Variants in ASIC2 observed in about 807,000 individuals in gnomAD.
ASIC2 encodes the protein acid sensing ion channel subunit 2.
A neutral mutation model predicts 57.3 loss-of-function variants in ASIC2; 25 were observed. The ratio of observed to expected loss-of-function variants is 0.44; its 90% CI spans 0.32 to 0.61. The LOEUF (loss-of-function observed/expected upper bound fraction) is 0.61, where lower values mean the gene tolerates loss of function less well. ASIC2 is among the 20% of genes least tolerant of loss of function. The pLI is 0.06. For synonymous variants in ASIC2, 319 were observed against 307.5 expected, an observed-to-expected ratio of 1.04 and a Z score of -0.39; for missense variants, 641 against 738.1, an observed-to-expected ratio of 0.87 and a Z score of 1.52.
chr17:33,865,764 A>T (rs1567739086), intron 1 of ASIC2, among the ~76,000 whole-genome samples: 1 of 79,954 alleles, frequency 1.3e-5, no homozygotes, highest in South Asian at 3.1e-4. Flanking sequence ...AAAAATAAAA[A>T]AAAAAAACAA....
At chr17:33,318,396 G>A (rs1430915013) in intron 1 of ASIC2, among the ~76,000 whole-genome samples, 1 of 152,128 alleles carries the variant, frequency 6.6e-6, no homozygotes, top group Non-Finnish European at 1.5e-5. Flanking sequence ...GCTGTGATGA[G>A]GATTTGGTGC....
chr17:33,580,743 TATAAG>T (rs1411298942), intron 1 of ASIC2, among the ~76,000 whole-genome samples: 1 of 152,198 alleles, frequency 6.6e-6, no homozygotes, highest in Admixed American at 6.5e-5. Context: ...TCTCAGCTAA[TATAAG>T]ATAAGGTGGT....
At chr17:33,463,486 C>T (rs892616221) in intron 1 of ASIC2, among the ~76,000 whole-genome samples, 2 of 152,172 alleles carry the variant, frequency 1.3e-5, no homozygotes. Context: ...CCAATATTTC[C>T]AATGTCTGTC....
chr17:33,767,421 T>C (rs543742142), intron 1 of ASIC2, among the ~76,000 whole-genome samples: 111 of 152,328 alleles, frequency 7.3e-4, no homozygotes, highest in Non-Finnish European at 1.5e-3. Flanking sequence ...TATAAATTAG[T>C]GAGTGTAGAA....
At chr17:33,635,644 TGAG>T (rs1906335095) in intron 1 of ASIC2, among the ~76,000 whole-genome samples, 1 of 152,188 alleles carries the variant, frequency 6.6e-6, no homozygotes, top group Non-Finnish European at 1.5e-5. Context: ...AACAGAGCGA[TGAG>T]GAGGCAGGTG....
chr17:33,145,008 C>T (rs764836325), intron 1 of ASIC2, among the ~76,000 whole-genome samples: 5 of 152,198 alleles, frequency 3.3e-5, no homozygotes, highest in Non-Finnish European at 5.9e-5. Context: ...GCAGGTGCCA[C>T]GTGAGTGCTT....
chr17:33,095,624 A>G (rs2141971759), intron 2 of ASIC2, among the ~76,000 whole-genome samples: 1 of 152,310 alleles, frequency 6.6e-6, no homozygotes, highest in Non-Finnish European at 1.5e-5. Flanking sequence ...CTGGGTTCAC[A>G]TGAAACCTGC....
rs138722891 is a variant in ASIC2 at position 33,038,985 on chromosome 17, A to T, written c.988-10593T>A. 2.3e-3 allele frequency among the ~76,000 whole-genome samples: 344 copies of T among 151,928 alleles called. 6 individuals are homozygous for T. In the East Asian group the frequency reaches 0.041, roughly 18 times the overall value. On this transcript the variant is annotated intron_variant, in intron 3 of 9. Coordinates refer to ENST00000225823, the MANE Select transcript of ASIC2 (RefSeq NM_183377.2). ...TCCCTCCTTTGTGTCTGCATCCCAC[A>T]CTCTGAGGCTTTGACTTAGATGCTG...
At chr17:33,211,277 A>C (rs530641567) in intron 1 of ASIC2, among the ~76,000 whole-genome samples, 2 of 152,142 alleles carry the variant, frequency 1.3e-5, no homozygotes, top group Non-Finnish European at 2.9e-5. Context: ...GCATAAGCTC[A>C]GGTGAGCTGT....
chr17:33,852,995 G>C (rs1038794), intron 1 of ASIC2, among the ~76,000 whole-genome samples: 1 of 151,824 alleles, frequency 6.6e-6, no homozygotes, highest in Admixed American at 6.6e-5. Flanking sequence ...TTTCCCCCCC[G>C]TCATAGACAG....
chr17:33,579,172 G>C (rs560015270), intron 1 of ASIC2, among the ~76,000 whole-genome samples: 3 of 151,422 alleles, frequency 2.0e-5, no homozygotes, highest in African/African-American at 4.9e-5. Context: ...TGTAATCCCA[G>C]CTACTTGAGA....
At chr17:33,944,183 C>T (rs1351230737) in intron 1 of ASIC2, among the ~76,000 whole-genome samples, 1 of 152,220 alleles carries the variant, frequency 6.6e-6, no homozygotes. Context: ...CACTTCCACT[C>T]AATGCCTACA....
At chr17:33,465,945 C>T (rs1912850352) in intron 1 of ASIC2, among the ~76,000 whole-genome samples, 1 of 152,112 alleles carries the variant, frequency 6.6e-6, no homozygotes, top group African/African-American at 2.4e-5. Context: ...GAGAAAGTTT[C>T]CTCAGGATAA....
chr17:33,712,715 GGCTC>G, intron 1 of ASIC2, among the ~76,000 whole-genome samples: 1 of 139,392 alleles, frequency 7.2e-6, no homozygotes, highest in African/African-American at 2.7e-5. Context: ...GCGGGATCTC[GGCTC>G]ACTGCAAGCT....
chr17:33,965,681 C>A (rs1050513574), intron 1 of ASIC2, among the ~76,000 whole-genome samples: 1 of 152,190 alleles, frequency 6.6e-6, no homozygotes, highest in African/African-American at 2.4e-5. Context: ...GGCCAAGTAA[C>A]ATATCATAGA....
chr17:33,490,940 G>C (rs1166819449), intron 1 of ASIC2, among the ~76,000 whole-genome samples: 1 of 152,122 alleles, frequency 6.6e-6, no homozygotes, highest in Non-Finnish European at 1.5e-5. Flanking sequence ...TTGGCCAACT[G>C]ATACCTCCAC....
chr17:33,831,065 C>A (rs1482105920), intron 1 of ASIC2, among the ~76,000 whole-genome samples: 1 of 113,724 alleles, frequency 8.8e-6, no homozygotes, highest in African/African-American at 3.5e-5. Flanking sequence ...GCAGAGATTG[C>A]ACCACTGCAC....
chr17:33,675,406 A>G (rs1220376677), intron 1 of ASIC2, among the ~76,000 whole-genome samples: 1 of 152,126 alleles, frequency 6.6e-6, no homozygotes, highest in East Asian at 1.9e-4. Flanking sequence ...GGGCCCCGTG[A>G]TCAGCTCCAC....
At chr17:33,981,407 C>T (rs958118477) in intron 1 of ASIC2, among the ~76,000 whole-genome samples, 1 of 152,176 alleles carries the variant, frequency 6.6e-6, no homozygotes. Context: ...ACATTGATGA[C>T]TGCGATCTCA....
Sources: allele counts gnomAD v4.1 joint callset (sites outside exome capture counted in the v4.1 genomes callset), GRCh38; gene constraint gnomAD v4.1.1; transcripts MANE v1.5; gene names NCBI Gene and HGNC (gene_info 2026-07-23, HGNC 2026-07-21).